HLCS: variants seen among roughly 807,000 people sequenced by gnomAD.
The protein encoded by HLCS is holocarboxylase synthetase, also known as biotin--protein ligase.
A neutral mutation model predicts 75.0 loss-of-function variants in HLCS; 53 were observed. The observed-to-expected ratio is 0.71, with a 90% CI of 0.57 to 0.89. The LOEUF (loss-of-function observed/expected upper bound fraction) is 0.89. Ranked by LOEUF, HLCS falls within the 40% of genes least tolerant of loss-of-function variation. The probability of loss-of-function intolerance (pLI) is 0.00; values close to 1 mark genes in which losing one functional copy is unlikely to be tolerated. For missense variants in HLCS, 966 were observed against 1,074.0 expected (o/e 0.90, Z 1.41); for synonymous variants, 431 against 428.6 (o/e 1.01, Z -0.07).
chr21:36,908,970 G>A (rs944415692), intron 5 of HLCS, among the ~76,000 whole-genome samples: 16 of 152,070 alleles, frequency 1.1e-4, no homozygotes, highest in East Asian at 3.9e-4. Flanking sequence ...TGAGGCGGGC[G>A]GATCACAAGG....
At chr21:36,939,437 A>G (rs991561950) in intron 2 of HLCS, among the ~76,000 whole-genome samples, 5 of 152,184 alleles carry the variant, frequency 3.3e-5, no homozygotes, top group East Asian at 3.9e-4. Context: ...CAGGGAGCAC[A>G]TGAGACCTTC....
intron 6 of HLCS, among the ~76,000 whole-genome samples, chr21:36,813,642 C>T (rs541332441): frequency 6.6e-6 from 1 of 152,208 alleles, no homozygotes; most frequent in East Asian, 1.9e-4. Context: ...TCATAATTTC[C>T]CTTAGAATAT....
intron 6 of HLCS, among the ~76,000 whole-genome samples, chr21:36,885,132 A>G (rs138904988): frequency 6.6e-6 from 1 of 152,344 alleles, no homozygotes; most frequent in Non-Finnish European, 1.5e-5. Context: ...TTTTTGGCAC[A>G]ACAGTAACCA....
intron 5 of HLCS, among the ~76,000 whole-genome samples, chr21:36,914,246 T>C (rs1475939493): frequency 2.0e-5 from 3 of 152,180 alleles, no homozygotes; most frequent in Non-Finnish European, 2.9e-5. Context: ...CATCCAGCCC[T>C]GCACAACTCT....
chr21:36,869,200 C>T (rs1433740741), intron 6 of HLCS, among the ~76,000 whole-genome samples: 2 of 152,102 alleles, frequency 1.3e-5, no homozygotes, highest in Non-Finnish European at 2.9e-5. Context: ...TCTCGGCTCA[C>T]TGCAAGCTCC....
chr21:36,786,756 C>T (rs2060698366), intron 6 of HLCS, among the ~76,000 whole-genome samples: 1 of 152,154 alleles, frequency 6.6e-6, no homozygotes, highest in African/African-American at 2.4e-5. Context: ...TATTGGATTC[C>T]TATGAATTAA....
intron 5 of HLCS, among the ~76,000 whole-genome samples, chr21:36,908,398 A>G (rs1324673841): frequency 6.6e-6 from 1 of 151,986 alleles, no homozygotes; most frequent in Non-Finnish European, 1.5e-5. Context: ...TCTTAAAAAA[A>G]AAAAAAAAGA....
At chr21:36,826,630 T>C (rs534720027) in intron 6 of HLCS, among the ~76,000 whole-genome samples, 59 of 152,284 alleles carry the variant, frequency 3.9e-4, no homozygotes, top group African/African-American at 1.3e-3. Flanking sequence ...ACAGGGTAAA[T>C]AGTAACATTC....
intron 5 of HLCS, among the ~76,000 whole-genome samples, chr21:36,899,085 G>A (rs909828001): frequency 1.3e-5 from 2 of 152,000 alleles, no homozygotes; most frequent in African/African-American, 2.4e-5. Flanking sequence ...GTACTGTGGT[G>A]ACATAGGAAA....
At chr21:36,754,868 T>G (rs1008396973) in intron 10 of HLCS, among the ~76,000 whole-genome samples, 4 of 152,186 alleles carry the variant, frequency 2.6e-5, no homozygotes, top group Non-Finnish European at 5.9e-5. Context: ...CTACTTCTTT[T>G]GAATATTTTC....
chr21:36,965,231 G>A (rs759632412), intron 1 of HLCS, among the ~76,000 whole-genome samples: 1 of 152,212 alleles, frequency 6.6e-6, no homozygotes, highest in African/African-American at 2.4e-5. Flanking sequence ...GCTTTACGGT[G>A]TGACATATGC....
intron 6 of HLCS, among the ~76,000 whole-genome samples, chr21:36,858,515 C>A (rs1055998128): frequency 1.3e-5 from 2 of 152,360 alleles, no homozygotes; most frequent in East Asian, 3.9e-4. Context: ...ACTCACTCAA[C>A]AAATATTTAC....
chr21:36,967,101 G>A (rs2068641634), upstream of HLCS, among the ~76,000 whole-genome samples: 1 of 152,084 alleles, frequency 6.6e-6, no homozygotes, highest in African/African-American at 2.4e-5. Context: ...CTTCCTTGGA[G>A]GGGTGGGAGG....
chr21:36,795,734 T>C (rs1032766281), intron 6 of HLCS, among the ~76,000 whole-genome samples: 1 of 152,208 alleles, frequency 6.6e-6, no homozygotes, highest in African/African-American at 2.4e-5. Flanking sequence ...ACAAGCTCTG[T>C]TTCCCTTTTG....
rs1474698883 is a variant in HLCS, at chr21:36,764,960, C to T, written c.2121+52G>A. 1.1e-5 allele frequency: 17 copies of T among 1,588,652 alleles called. No individual in the cohort carries two copies. In the South Asian group the frequency reaches 1.1e-4, roughly 10 times the overall value. On this transcript the variant is annotated intron_variant, in intron 8 of 10. Coordinates refer to ENST00000674895, the MANE Select transcript of HLCS (RefSeq NM_001352514.2). ...AGCACATGCTATAAACAAGAATAAG[C>T]CAGATTCTGCATGCATCCCAGGGAC...
chr21:36,973,225 G>A (rs1378680373), intron 1 of HLCS, among the ~76,000 whole-genome samples: 2 of 103,796 alleles, frequency 1.9e-5, no homozygotes, highest in East Asian at 6.7e-4. Flanking sequence ...GAAAGACCCT[G>A]TCTTTTTTTT....
chr21:36,976,363 G>C (rs2154530), intron 1 of HLCS, among the ~76,000 whole-genome samples: 1 of 151,898 alleles, frequency 6.6e-6, no homozygotes, highest in Non-Finnish European at 1.5e-5. Flanking sequence ...CTGACTATCA[G>C]TAAGTCATTA....
chr21:36,813,972 T>C (rs143583349), intron 6 of HLCS, among the ~76,000 whole-genome samples: 3 of 152,276 alleles, frequency 2.0e-5, no homozygotes, highest in East Asian at 3.9e-4. Context: ...AAATTTTCGA[T>C]TCTGCCAGGT....
At chr21:36,879,636 A>T (rs1033244582) in intron 6 of HLCS, among the ~76,000 whole-genome samples, 1 of 152,212 alleles carries the variant, frequency 6.6e-6, no homozygotes, top group African/African-American at 2.4e-5. Context: ...GCCTCAAGTT[A>T]TAAGAGCTCA....
Sources: gnomAD v4.1 joint callset for allele counts (sites outside exome capture counted in the v4.1 genomes callset) on GRCh38, gnomAD v4.1.1 for gene constraint, MANE v1.5 for transcripts, NCBI Gene and HGNC (gene_info 2026-07-23, HGNC 2026-07-21) for gene names.